PLCL2: variants seen among roughly 807,000 people sequenced by gnomAD.
The protein encoded by PLCL2 is phospholipase C like 2, also known as inactive phospholipase C-like protein 2.
A neutral mutation model predicts 79.6 loss-of-function variants in PLCL2; 4 were observed. The ratio of observed to expected loss-of-function variants is 0.05; its 90% confidence interval spans 0.02 to 0.11. The LOEUF (loss-of-function observed/expected upper bound fraction) is 0.11, where lower values mean the gene tolerates loss of function less well. Among genes scored for constraint, PLCL2 ranks in the 10% least tolerant of loss-of-function variants. The pLI is 1.00. For missense variants in PLCL2, 895 were observed against 1,291.0 expected (o/e 0.69, Z 4.70); for synonymous variants, 484 against 457.7 (o/e 1.06, Z -0.73).
intron 4 of PLCL2, among the ~76,000 whole-genome samples, chr3:17,045,725 A>G (rs2064773452): frequency 6.6e-6 from 1 of 152,194 alleles, no homozygotes; most frequent in Admixed American, 6.5e-5. Context: ...GAAGAGGAAG[A>G]CATTAATAGA....
At chr3:16,964,782 A>G (rs536035612) in intron 1 of PLCL2, among the ~76,000 whole-genome samples, 1,528 of 151,930 alleles carry the variant, frequency 0.01, 29 homozygotes, top group African/African-American at 0.035. Flanking sequence ...GATGATGAGC[A>G]TTTTTTCATG....
At chr3:16,890,153 G>A (rs977093679) in intron 1 of PLCL2, among the ~76,000 whole-genome samples, 1 of 152,182 alleles carries the variant, frequency 6.6e-6, no homozygotes, top group Admixed American at 6.5e-5. Flanking sequence ...TTCAGTTTAG[G>A]TTTTCAAAAG....
intron 4 of PLCL2, among the ~76,000 whole-genome samples, chr3:17,048,444 A>G (rs1354149907): frequency 6.6e-6 from 1 of 152,226 alleles, no homozygotes; most frequent in Non-Finnish European, 1.5e-5. Flanking sequence ...CATAAAATAT[A>G]TGTAGGTACT....
At chr3:16,962,621 T>A (rs1426976178) in intron 1 of PLCL2, among the ~76,000 whole-genome samples, 1 of 152,168 alleles carries the variant, frequency 6.6e-6, no homozygotes, top group East Asian at 1.9e-4. Context: ...CTGATAAAAC[T>A]TGATATTGTT....
At chr3:16,989,609 T>C (rs901745012) in intron 1 of PLCL2, among the ~76,000 whole-genome samples, 12 of 151,648 alleles carry the variant, frequency 7.9e-5, no homozygotes. Context: ...ATGTGACTAG[T>C]AGAAAATTTT....
intron 5 of PLCL2, among the ~76,000 whole-genome samples, chr3:17,082,045 G>A (rs1470141121): frequency 6.6e-6 from 1 of 152,076 alleles, no homozygotes; most frequent in Non-Finnish European, 1.5e-5. Context: ...GTGTCAGTGG[G>A]TGGCAGTGTT....
At chr3:16,920,193 C>G (rs1204831976) in intron 1 of PLCL2, among the ~76,000 whole-genome samples, 4 of 152,096 alleles carry the variant, frequency 2.6e-5, no homozygotes, top group African/African-American at 9.7e-5. Context: ...GTAAATGGAA[C>G]AATAGGTACT....
intron 1 of PLCL2, among the ~76,000 whole-genome samples, chr3:16,929,083 GC>G (rs537024242): frequency 1 from 112,855 of 112,858 alleles, 56,426 homozygotes; most frequent in Non-Finnish European, 1. Context: ...CACCACAGCC[GC>G]AGCATAGAGA....
chr3:16,963,986 A>G (rs1385678212), intron 1 of PLCL2, among the ~76,000 whole-genome samples: 1 of 152,184 alleles, frequency 6.6e-6, no homozygotes, highest in African/African-American at 2.4e-5. Flanking sequence ...TGTAAAAGTT[A>G]TAATAATTAA....
chr3:16,922,643 TATC>T (rs1160382241), intron 1 of PLCL2, among the ~76,000 whole-genome samples: 6 of 152,162 alleles, frequency 3.9e-5, no homozygotes, highest in Admixed American at 3.9e-4. Flanking sequence ...TTGTACCAAA[TATC>T]ATAATTGGGA....
chr3:16,885,219 C>A lies in PLCL2; in HGVS notation c.180C>A (p.Ser60Arg). The change falls in exon 1 of 6, where the codon AGC becomes AGA. Residue 60 changes from serine to arginine, a missense_variant. Ser to Arg is a moderately radical substitution (Grantham distance 110). Around this residue, in one of 6 missense-constraint regions of PLCL2, gnomAD observed 110 missense variants for 42.9 expected, o/e 2.56. Coordinates refer to ENST00000615277, the MANE Select transcript of PLCL2 (RefSeq NM_001144382.2). ...DSGGVSNGDCSLGVSGDEARA... is the reference protein window; with the variant it reads ...DSGGVSNGDCRLGVSGDEARA... ...GCGGGGTTTCCAACGGAGACTGCAG[C>A]CTCGGCGTGTCCGGGGACGAAGCCC... is the stretch of plus-strand genomic sequence containing the variant. 1.5e-6 allele frequency: 1 copy of A among 659,656 alleles called. No individual in the cohort carries two copies. 40.9% of individuals were successfully genotyped at this position (659,656 alleles called of 1,614,324 possible).
At chr3:16,968,399 T>G (rs1482842036) in intron 1 of PLCL2, among the ~76,000 whole-genome samples, 1 of 152,182 alleles carries the variant, frequency 6.6e-6, no homozygotes, top group East Asian at 1.9e-4. Context: ...TTCCTATCCA[T>G]GAGCATGGAA....
chr3:17,065,648 A>C (rs1031283452), intron 4 of PLCL2, among the ~76,000 whole-genome samples: 5 of 152,242 alleles, frequency 3.3e-5, no homozygotes, highest in Admixed American at 6.5e-5. Context: ...AAAATCCCCC[A>C]CTATTATTGT....
In PLCL2 at chr3:17,034,266, G is replaced by A. The variant is rs553122045; in HGVS notation, c.3019-8608G>A. On this transcript the variant is annotated intron_variant, in intron 3 of 5. Transcript: ENST00000615277. ...GGATGTGTGTGTGAGTGTGCCCTGCGATGGGATGGCATCCTGTCCAGGGTG... is the reference window on the plus strand; with the variant it reads ...GGATGTGTGTGTGAGTGTGCCCTGCAATGGGATGGCATCCTGTCCAGGGTG... Among the ~76,000 whole-genome samples the A allele has an allele frequency of 3.5e-4, 54 of 152,248 alleles. No individual in the cohort carries two copies. The East Asian group carries it at 8.1e-3, about 23-fold the overall frequency.
chr3:16,962,883 T>C (rs941337094), intron 1 of PLCL2, among the ~76,000 whole-genome samples: 2 of 152,280 alleles, frequency 1.3e-5, no homozygotes, highest in African/African-American at 2.4e-5. Context: ...CATACATATG[T>C]ACATACACAC....
At chr3:16,954,803 T>A (rs1468947252) in intron 1 of PLCL2, among the ~76,000 whole-genome samples, 1 of 152,220 alleles carries the variant, frequency 6.6e-6, no homozygotes, top group Non-Finnish European at 1.5e-5. Context: ...TTTGGTGTGT[T>A]TTTTGGCTGC....
At chr3:16,908,363 T>A (rs903029590) in intron 1 of PLCL2, among the ~76,000 whole-genome samples, 2 of 152,246 alleles carry the variant, frequency 1.3e-5, no homozygotes, top group Admixed American at 6.5e-5. Flanking sequence ...ATCAACAGTG[T>A]TCCAATTATT....
intron 1 of PLCL2, among the ~76,000 whole-genome samples, chr3:16,920,421 TTTAAAG>T (rs1395797224): frequency 2.0e-5 from 3 of 152,174 alleles, no homozygotes; most frequent in African/African-American, 7.2e-5. Context: ...CACATAAATA[TTTAAAG>T]TTAATTTATA....
At chr3:16,909,696 C>A (rs1696830729) in intron 1 of PLCL2, among the ~76,000 whole-genome samples, 2 of 152,138 alleles carry the variant, frequency 1.3e-5, no homozygotes, top group Non-Finnish European at 2.9e-5. Context: ...TATAATATTT[C>A]TCTGGAGTCC....
Sources: gnomAD v4.1 joint callset for allele counts (sites outside exome capture counted in the v4.1 genomes callset) on GRCh38, gnomAD v4.1.1 for gene constraint, gnomAD v4.1.1 regional missense constraint, MANE v1.5 for transcripts, NCBI Gene and HGNC (gene_info 2026-07-23, HGNC 2026-07-21) for gene names.